The following SLC43A2 variants were observed in gnomAD, a reference collection of about 807,000 sequenced individuals.
The protein encoded by SLC43A2 is solute carrier family 43 member 2.
Under a neutral mutation model 63.2 loss-of-function variants are expected in SLC43A2, and 38 were observed. That is an observed-to-expected ratio of 0.60 (90% confidence interval 0.46 to 0.79). The LOEUF is 0.79. Among genes scored for constraint, SLC43A2 ranks in the 30% least tolerant of loss-of-function variants. The pLI is 0.00. For synonymous variants in SLC43A2, 322 were observed against 331.0 expected (o/e 0.97, Z 0.30); for missense variants, 644 against 756.2 (o/e 0.85, Z 1.74).
chr17:1,617,666 C>T (rs1180029269), intron 2 of SLC43A2, among the ~76,000 whole-genome samples: 1 of 152,242 alleles, frequency 6.6e-6, no homozygotes, highest in Non-Finnish European at 1.5e-5. Flanking sequence ...GCTGGGATCA[C>T]AGGCGTGAGC....
intron 6 of SLC43A2, 25 bp from the exon 7 acceptor site, chr17:1,591,724 T>TG (rs552449883): frequency 0.08 from 17,412 of 217,754 alleles, 1,288 homozygotes; most frequent in African/African-American, 0.37. Context: ...GGGGACGGGG[T>TG]GGGGGGGGGA....
intron 9 of SLC43A2, 47 bp downstream of exon 9, chr17:1,590,755 G>A (rs1387206109): frequency 1.9e-6 from 3 of 1,546,776 alleles, no homozygotes; most frequent in Non-Finnish European, 2.6e-6. Context: ...AGTGGGCTGG[G>A]CTCAGGCCGG....
intron 5 of SLC43A2, among the ~76,000 whole-genome samples, chr17:1,608,090 CA>C (rs1906783246): frequency 1.3e-5 from 2 of 152,152 alleles, no homozygotes; most frequent in Non-Finnish European, 2.9e-5. Context: ...TGAGATACCA[CA>C]AAAGCAGCCA....
At position 1,575,358 on chromosome 17, in the gene SLC43A2, G is replaced by A. The variant is rs1211515719; in HGVS notation, c.*246C>T. The A allele has an allele frequency of 9.0e-6, 5 of 553,304 alleles. No homozygotes were observed. The highest frequency in any genetic ancestry group is 4.7e-4 in the Middle Eastern group (1 of 2,120). The allele number at this position is 553,304 out of a possible 1,614,324, so 34.3% of individuals were successfully genotyped here. A position where few individuals can be genotyped will look rare whatever the true frequency, so the allele number is the denominator to read the frequency against. On this transcript the variant is annotated 3_prime_UTR_variant, in exon 14 of 14. Transcript: ENST00000301335. ...AGGCACCACAGAGACCCCAGGCCCC[G>A]GGTCCCCGGGGGGCGGCAGAGCAAA...
At chr17:1,615,604 G>A (rs1346632720) in intron 3 of SLC43A2, among the ~76,000 whole-genome samples, 3 of 150,440 alleles carry the variant, frequency 2.0e-5, no homozygotes, top group African/African-American at 7.3e-5. Context: ...AGCACTTTGG[G>A]AGGCCGAGGC....
intron 5 of SLC43A2, chr17:1,604,752 C>T (rs1906425625): frequency 7.2e-6 from 11 of 1,535,844 alleles, no homozygotes; most frequent in East Asian, 2.4e-5. Flanking sequence ...CCTGCTGTTG[C>T]CTTCGGCTGA....
rs1444385538 is a variant in SLC43A2, at chr17:1,577,529, GGAGA to G, written c.1424+717_1424+720del. Among the ~76,000 whole-genome samples, 1 of 152,226 alleles carries G rather than the reference GGAGA, an allele frequency of 6.6e-6. No individual in the cohort carries two copies. Among genetic ancestry groups the G allele is most frequent in the Admixed American group, 6.5e-5 (1 of 15,274 alleles). On this transcript the variant is annotated intron_variant, in intron 12 of 13. Transcript: ENST00000301335. The surrounding 1 kb of genome is among the most constrained non-coding windows in gnomAD (Gnocchi z 4.9). ...ACCCCAGGGGCTGTTGCGGGAATTG[GGAGA>G]GAGTTCCGGGCTAAATCTTAGCACA...
At chr17:1,587,895 C>T (rs552054498) in intron 9 of SLC43A2, among the ~76,000 whole-genome samples, 8 of 152,328 alleles carry the variant, frequency 5.3e-5, no homozygotes, top group African/African-American at 1.9e-4. Context: ...CAGCCACAGC[C>T]TCTGTACCCT....
chr17:1,623,028 C>T (rs1186527886), intron 2 of SLC43A2, among the ~76,000 whole-genome samples: 1 of 152,200 alleles, frequency 6.6e-6, no homozygotes, highest in East Asian at 1.9e-4. Context: ...ATCGCTTTAA[C>T]CCGAGAGGCA....
At chr17:1,611,660 A>C (rs1907119376) in intron 5 of SLC43A2, among the ~76,000 whole-genome samples, 1 of 151,698 alleles carries the variant, frequency 6.6e-6, no homozygotes, top group Non-Finnish European at 1.5e-5. Flanking sequence ...AAAAAAGAAG[A>C]GGTCCAGAAG....
chr17:1,621,261 A>G (rs1908127439), intron 2 of SLC43A2, among the ~76,000 whole-genome samples: 1 of 152,148 alleles, frequency 6.6e-6, no homozygotes, highest in East Asian at 1.9e-4. Flanking sequence ...CGGGGAGACA[A>G]AGGGAGGGGG....
intron 5 of SLC43A2, among the ~76,000 whole-genome samples, chr17:1,599,854 C>A (rs538639874): frequency 1.3e-4 from 20 of 150,662 alleles, no homozygotes; most frequent in African/African-American, 3.9e-4. Flanking sequence ...ACCATCCTCG[C>A]TAACACAGTG....
intron 5 of SLC43A2, among the ~76,000 whole-genome samples, chr17:1,594,704 C>G (rs1264654998): frequency 6.7e-6 from 1 of 149,066 alleles, no homozygotes; most frequent in African/African-American, 2.5e-5. Flanking sequence ...TCTCCTGCCT[C>G]AGCCTCCCGT....
intron 5 of SLC43A2, among the ~76,000 whole-genome samples, chr17:1,612,721 C>CA (rs1907236367): frequency 6.6e-6 from 1 of 152,258 alleles, no homozygotes; most frequent in African/African-American, 2.4e-5. Context: ...CCTGTCACCC[C>CA]AGCGCTTTGG....
intron 2 of SLC43A2, among the ~76,000 whole-genome samples, chr17:1,620,596 G>A (rs1458947445): frequency 3.3e-5 from 5 of 152,004 alleles, no homozygotes; most frequent in African/African-American, 7.2e-5. Context: ...CTGCCCGGCC[G>A]CCTGCCTCCA....
In SLC43A2 at chr17:1,590,687, G is replaced by T. The variant is rs1387104981; in HGVS notation, c.1078+115C>A. 20 of 1,327,800 alleles carry T rather than the reference G, an allele frequency of 1.5e-5. No homozygotes were observed. The East Asian group carries it at 5.0e-4, about 33-fold the overall frequency. 82.3% of individuals were successfully genotyped at this position (1,327,800 alleles called of 1,614,324 possible). ...CTGACGGGCAGACAGCTCCTGGGAT[G>T]CGGCCTTTCCATGGCCCGGCTGGCC... On this transcript the variant is annotated intron_variant, in intron 9 of 13. Coordinates refer to ENST00000301335, the MANE Select transcript of SLC43A2 (RefSeq NM_152346.3).
intron 10 of SLC43A2, chr17:1,585,572 G>T (rs1453134169): frequency 3.5e-6 from 3 of 863,240 alleles, no homozygotes; most frequent in Non-Finnish European, 4.8e-6. Context: ...GTAGAGACGG[G>T]GAGTGGGGGC....
chr17:1,576,848 C>G, intron 12 of SLC43A2, 128 bp from the exon 13 acceptor site: 15 of 1,131,762 alleles, frequency 1.3e-5, no homozygotes, highest in Non-Finnish European at 1.8e-5. Context: ...GGATTCCTTC[C>G]TGCTGGGCAG....
intron 9 of SLC43A2, among the ~76,000 whole-genome samples, chr17:1,586,617 C>G (rs542841425): frequency 6.6e-6 from 1 of 151,970 alleles, no homozygotes; most frequent in African/African-American, 2.4e-5. Context: ...CACTTGAACC[C>G]GGGAGGTGAA....
Sources: allele counts gnomAD v4.1 joint callset (sites outside exome capture counted in the v4.1 genomes callset), GRCh38; gene constraint gnomAD v4.1.1; non-coding constraint Gnocchi (gnomAD v3.1); transcripts MANE v1.5; gene names NCBI Gene and HGNC (gene_info 2026-07-23, HGNC 2026-07-21).